METTL15: variants seen among roughly 807,000 people sequenced by gnomAD.
METTL15 encodes the protein methyltransferase 15, mitochondrial 12S rRNA N4-cytidine, also known as 12S rRNA N(4)-cytidine methyltransferase METTL15.
METTL15 carries 34 observed loss-of-function variants against 38.3 expected under a neutral mutation model. The ratio of observed to expected loss-of-function variants is 0.89; its 90% CI spans 0.68 to 1.18. The LOEUF is 1.18. Ranked by LOEUF, METTL15 falls within the 50% of genes most tolerant of loss-of-function variation. METTL15 has a pLI of 0.00. For synonymous variants in METTL15, 162 were observed against 170.9 expected (o/e 0.95, Z 0.41); for missense variants, 438 against 498.4 (o/e 0.88, Z 1.15).
At chr11:28,230,690 A>G (rs1292645672) in intron 4 of METTL15, among the ~76,000 whole-genome samples, 1 of 151,978 alleles carries the variant, frequency 6.6e-6, no homozygotes, top group Non-Finnish European at 1.5e-5. Flanking sequence ...TGAGTTTGCT[A>G]TAATTACATG....
intron 6 of METTL15, among the ~76,000 whole-genome samples, chr11:28,444,457 T>C (rs1851059191): frequency 6.6e-6 from 1 of 152,158 alleles, no homozygotes; most frequent in Non-Finnish European, 1.5e-5. Flanking sequence ...TAGTTTAGAG[T>C]CCATTTGCTA....
At chr11:28,243,543 G>T (rs1331774573) in intron 4 of METTL15, among the ~76,000 whole-genome samples, 1 of 152,080 alleles carries the variant, frequency 6.6e-6, no homozygotes, top group African/African-American at 2.4e-5. Context: ...AAACTGTTCT[G>T]TTTTATTTTT....
chr11:28,292,372 T>TA (rs1483364630), intron 5 of METTL15, among the ~76,000 whole-genome samples: 2 of 151,984 alleles, frequency 1.3e-5, no homozygotes, highest in Non-Finnish European at 2.9e-5. Flanking sequence ...TCCATGTCCC[T>TA]ACAAAGGACG....
intron 6 of METTL15, 55 bp from the exon 7 acceptor site, chr11:28,330,341 G>T: frequency 1.4e-6 from 2 of 1,408,204 alleles, no homozygotes; most frequent in Non-Finnish European, 9.5e-7. Context: ...GATTTACAGT[G>T]AAAAATATTA....
At chr11:28,233,756 A>C (rs957445124) in intron 4 of METTL15, among the ~76,000 whole-genome samples, 6 of 151,986 alleles carry the variant, frequency 3.9e-5, no homozygotes, top group Non-Finnish European at 5.9e-5. Flanking sequence ...TTATGCCATC[A>C]GTTGTCTATA....
downstream of METTL15, among the ~76,000 whole-genome samples, chr11:28,334,956 A>G (rs1849887449): frequency 6.6e-6 from 1 of 152,156 alleles, no homozygotes; most frequent in Non-Finnish European, 1.5e-5. Context: ...TATGCACAGC[A>G]GGAGATTGTG....
intron 3 of METTL15, among the ~76,000 whole-genome samples, chr11:28,126,025 G>A (rs993498608): frequency 1.3e-5 from 2 of 151,934 alleles, no homozygotes; most frequent in African/African-American, 4.8e-5. Flanking sequence ...GCTCACTCCA[G>A]CAATTGAATC....
chr11:28,355,727 T>C (rs1038736999), intron 4 of METTL15, among the ~76,000 whole-genome samples: 3 of 152,144 alleles, frequency 2.0e-5, no homozygotes, highest in Non-Finnish European at 1.5e-5. Context: ...TAAGGGACTT[T>C]AGCATTGTTG....
At chr11:28,372,795 C>G (rs1375970074) in intron 5 of METTL15, among the ~76,000 whole-genome samples, 4 of 123,244 alleles carry the variant, frequency 3.2e-5, no homozygotes, top group South Asian at 3.0e-4. Context: ...ACAGTCCCCA[C>G]AGTGTGATGT....
chr11:28,364,733 T>C (rs1354945255), intron 5 of METTL15, among the ~76,000 whole-genome samples: 1 of 152,188 alleles, frequency 6.6e-6, no homozygotes, highest in African/African-American at 2.4e-5. Context: ...GAGTGTTATG[T>C]AAGAGTAGGC....
chr11:28,115,278 G>A (rs113123159), intron 3 of METTL15, among the ~76,000 whole-genome samples: 23,190 of 149,318 alleles, frequency 0.16, 1,936 homozygotes, highest in East Asian at 0.28. Context: ...TTTTTTTTGA[G>A]ATGGAGTTTT....
chr11:28,288,002 A>G (rs1270541685), intron 4 of METTL15, among the ~76,000 whole-genome samples: 1 of 152,082 alleles, frequency 6.6e-6, no homozygotes, highest in African/African-American at 2.4e-5. Flanking sequence ...GGAGGGGAAT[A>G]TATGTGATTA....
At chr11:28,487,370 C>G (rs1851447496) in intron 6 of METTL15, among the ~76,000 whole-genome samples, 1 of 152,006 alleles carries the variant, frequency 6.6e-6, no homozygotes, top group African/African-American at 2.4e-5. Context: ...CATAAAGAAT[C>G]TGACATATTA....
Position 28,485,139 on chromosome 11 carries a change from ACT to A in METTL15, c.*425-41337_*425-41336del, listed in dbSNP as rs1491406492. On this transcript the variant is annotated intron_variant and NMD_transcript_variant, in intron 6 of 7. Transcript: ENST00000532947. ...CACACACACACACACACACACACAC[ACT>A]CACACCCCACAGAGCCATAGCTGGC... 1.0e-3 allele frequency among the ~76,000 whole-genome samples: 155 copies of A among 150,478 alleles called. 1 individual carries two copies. The highest frequency in any genetic ancestry group is 3.7e-3 in the African/African-American group (150 of 40,766).
chr11:28,411,273 A>T (rs948919894), intron 5 of METTL15, among the ~76,000 whole-genome samples: 1 of 152,026 alleles, frequency 6.6e-6, no homozygotes, highest in African/African-American at 2.4e-5. Context: ...CTACAAAAAA[A>T]TCGCCAATAG....
At chr11:28,526,619 C>T (rs1471416118) in exon 8 of METTL15, 1 of 152,108 alleles carries the variant, frequency 6.6e-6, no homozygotes, top group Non-Finnish European at 1.5e-5. Context: ...GACACAGGCC[C>T]AGGAAAGGGA....
intron 5 of METTL15, among the ~76,000 whole-genome samples, chr11:28,371,636 T>A (rs1850244166): frequency 6.6e-6 from 1 of 152,046 alleles, no homozygotes; most frequent in Admixed American, 6.6e-5. Context: ...CATGGAATAT[T>A]TTTCCATTTT....
At chr11:28,133,958 A>C (rs763061259) in intron 3 of METTL15, among the ~76,000 whole-genome samples, 3 of 152,224 alleles carry the variant, frequency 2.0e-5, no homozygotes, top group Non-Finnish European at 4.4e-5. Context: ...AGTTTCAACT[A>C]TGTTGACTGC....
chr11:28,297,192 A>G (rs1856772409), intron 6 of METTL15, among the ~76,000 whole-genome samples: 1 of 152,018 alleles, frequency 6.6e-6, no homozygotes, highest in African/African-American at 2.4e-5. Flanking sequence ...GTAGTTTGCT[A>G]ATTTGTATAA....
Sources: gnomAD v4.1 joint callset for allele counts (sites outside exome capture counted in the v4.1 genomes callset) on GRCh38, gnomAD v4.1.1 for gene constraint, MANE v1.5 for transcripts, NCBI Gene and HGNC (gene_info 2026-07-23, HGNC 2026-07-21) for gene names.